SAMMSON: variants seen among roughly 807,000 people sequenced by gnomAD.
The protein encoded by SAMMSON is survival associated mitochondrial melanoma specific oncogenic non-coding RNA.
intron 2 of SAMMSON, among the ~76,000 whole-genome samples, chr3:70,433,037 A>G (rs1485608560): frequency 9.2e-5 from 14 of 152,028 alleles, no homozygotes; most frequent in Non-Finnish European, 1.5e-5. Flanking sequence ...TTATAGCTAT[A>G]TATTATACTA....
At chr3:70,351,037 A>G (rs144263187) in intron 7 of SAMMSON, among the ~76,000 whole-genome samples, 3,355 of 152,242 alleles carry the variant, frequency 0.022, 89 homozygotes, top group Admixed American at 0.079. Context: ...TGTACCTGAA[A>G]TATATCCTAT....
At chr3:70,072,066 T>G (rs1447061195) in intron 4 of SAMMSON, 1 of 151,970 alleles carries the variant, frequency 6.6e-6, no homozygotes, top group Non-Finnish European at 1.5e-5. Flanking sequence ...TTTTAAAAAC[T>G]TTCAAAGGTA....
chr3:70,318,576 T>C (rs1702512080), intron 7 of SAMMSON, among the ~76,000 whole-genome samples: 1 of 151,968 alleles, frequency 6.6e-6, no homozygotes, highest in Non-Finnish European at 1.5e-5. Flanking sequence ...TTATTTATTA[T>C]ACCTAGTTTA....
chr3:70,240,985 C>T (rs1403608329), intron 4 of SAMMSON, among the ~76,000 whole-genome samples: 2 of 152,142 alleles, frequency 1.3e-5, no homozygotes, highest in Admixed American at 6.5e-5. Flanking sequence ...CTTGGCCTTT[C>T]ACAGTCAAGG....
intron 4 of SAMMSON, chr3:70,126,358 G>A: frequency 8.8e-7 from 1 of 1,134,540 alleles, no homozygotes; most frequent in Non-Finnish European, 1.3e-6. Flanking sequence ...AGTTTCAGCT[G>A]ATGGAGTCTT....
intron 4 of SAMMSON, among the ~76,000 whole-genome samples, chr3:70,088,585 C>A (rs1200467437): frequency 6.6e-6 from 1 of 152,108 alleles, no homozygotes; most frequent in East Asian, 1.9e-4. Flanking sequence ...AATTTGGGAT[C>A]TTTTGTAGAG....
intron 2 of SAMMSON, among the ~76,000 whole-genome samples, chr3:70,425,503 C>G (rs575030008): frequency 4.5e-4 from 68 of 152,078 alleles, no homozygotes; most frequent in Middle Eastern, 6.8e-3. Flanking sequence ...GATCCGCCTC[C>G]CAGGTTCACA....
At chr3:70,386,875 T>C (rs1431810184) in intron 9 of SAMMSON, among the ~76,000 whole-genome samples, 1 of 152,078 alleles carries the variant, frequency 6.6e-6, no homozygotes. Context: ...ATGAGGCAGT[T>C]GATTTCTCTG....
At chr3:70,356,831 T>C (rs1435531128) in intron 8 of SAMMSON, among the ~76,000 whole-genome samples, 1 of 152,148 alleles carries the variant, frequency 6.6e-6, no homozygotes, top group East Asian at 1.9e-4. Flanking sequence ...TTATTGATAA[T>C]CATGACACCA....
rs539949379 is a variant in SAMMSON at position 70,343,017 on chromosome 3, A to G, written n.740-11158A>G. On this transcript the variant is annotated intron_variant and non_coding_transcript_variant, in intron 7 of 9. Transcript: ENST00000642114. ...AGTGCCAAGGAAGATAGAATTGGAGATGTTACTCTTTTAAAGAAGACAGTT... is the reference window on the plus strand; with the variant it reads ...AGTGCCAAGGAAGATAGAATTGGAGGTGTTACTCTTTTAAAGAAGACAGTT... Among the ~76,000 whole-genome samples the G allele has an allele frequency of 5.9e-5, 9 of 152,302 alleles. No homozygotes were observed. In the East Asian group the frequency reaches 1.7e-3, roughly 29 times the overall value.
intron 7 of SAMMSON, chr3:70,312,059 C>G (rs1328658518): frequency 7.6e-6 from 3 of 394,130 alleles, no homozygotes; most frequent in Non-Finnish European, 1.3e-5. Context: ...AAACTACTGC[C>G]ATATTATGGG....
chr3:70,000,803 C>T (rs913514899), intron 1 of SAMMSON, among the ~76,000 whole-genome samples: 1 of 152,188 alleles, frequency 6.6e-6, no homozygotes, highest in Non-Finnish European at 1.5e-5. Flanking sequence ...TTGTTGTTTT[C>T]CTCTTTCTGG....
At chr3:70,024,387 C>CTAGTTT (rs1460754498) in intron 3 of SAMMSON, among the ~76,000 whole-genome samples, 1 of 152,100 alleles carries the variant, frequency 6.6e-6, no homozygotes, top group Non-Finnish European at 1.5e-5. Context: ...GGAATAGAAA[C>CTAGTTT]TAGTAGATGA....
chr3:70,163,277 TAC>T (rs1217732161), intron 4 of SAMMSON, among the ~76,000 whole-genome samples: 1 of 150,680 alleles, frequency 6.6e-6, no homozygotes, highest in East Asian at 1.9e-4. Flanking sequence ...GTGTACCATT[TAC>T]ATTTCTTTAT....
chr3:70,389,902 G>A (rs1329734989), downstream of SAMMSON: 1 of 152,156 alleles, frequency 6.6e-6, no homozygotes, highest in Non-Finnish European at 1.5e-5. Flanking sequence ...TTGGAAGAAA[G>A]AAATTGGAGA....
chr3:70,417,782 C>G (rs1032069319), intron 2 of SAMMSON, among the ~76,000 whole-genome samples: 2 of 152,104 alleles, frequency 1.3e-5, no homozygotes, highest in Middle Eastern at 3.2e-3. Context: ...CAAAAGGATT[C>G]TGATTGGCTC....
At chr3:70,432,278 G>A (rs1164125574) in intron 2 of SAMMSON, among the ~76,000 whole-genome samples, 1 of 151,274 alleles carries the variant, frequency 6.6e-6, no homozygotes, top group Non-Finnish European at 1.5e-5. Context: ...CCTATTGACT[G>A]TTAATATCTC....
intron 3 of SAMMSON, among the ~76,000 whole-genome samples, chr3:70,035,758 G>A (rs969211867): frequency 6.6e-6 from 1 of 152,158 alleles, no homozygotes; most frequent in African/African-American, 2.4e-5. Context: ...GTAGGGTCTA[G>A]TCATTTTCAA....
At chr3:70,193,639 A>C (rs2106713491) in intron 4 of SAMMSON, among the ~76,000 whole-genome samples, 1 of 152,300 alleles carries the variant, frequency 6.6e-6, no homozygotes, top group East Asian at 1.9e-4. Flanking sequence ...ATCTTCTTCA[A>C]AAAACACCCA....
Sources: allele counts gnomAD v4.1 joint callset (sites outside exome capture counted in the v4.1 genomes callset), GRCh38; gene constraint gnomAD v4.1.1; transcripts MANE v1.5; gene names NCBI Gene and HGNC (gene_info 2026-07-23, HGNC 2026-07-21).